SLAMF9: variants seen among roughly 807,000 people sequenced by gnomAD.
SLAMF9 encodes CD2 family member 10.
In SLAMF9, 25 loss-of-function variants were observed where a neutral mutation model predicts 30.4. The observed-to-expected ratio is 0.82, with a 90% CI of 0.60 to 1.15. SLAMF9 has a LOEUF of 1.15. Among genes scored for constraint, SLAMF9 ranks in the 50% most tolerant of loss-of-function variants. The pLI, the probability that SLAMF9 is intolerant of heterozygous loss-of-function variation, is 0.00. For missense variants in SLAMF9, 344 were observed against 346.1 expected, an observed-to-expected ratio of 0.99 and a Z score of 0.05; for synonymous variants, 129 against 127.2, an observed-to-expected ratio of 1.01 and a Z score of -0.09.
Position 159,952,349 on chromosome 1 carries a change from C to T in SLAMF9, c.577G>A (p.Asp193Asn), listed in dbSNP as rs746715684. The T allele has an allele frequency of 3.4e-5, 55 of 1,613,906 alleles. No individual in the cohort carries two copies. Among genetic ancestry groups the T allele is most frequent in the Non-Finnish European group, 4.2e-5 (49 of 1,179,982 alleles). ...CTGCAGGTGTAGGAGAGGGCACTGT[C>T]CCCCGGCCTCCAGGATGTGCTGAGG... ...PVLSTSWRPG[D>N]SALSYTCRAN... Residue 193 changes from aspartate (D) to asparagine (N), a missense_variant, in exon 3 of 4, where the codon GAC becomes AAC. Asp to Asn is a conservative substitution (Grantham distance 23). Coordinates refer to ENST00000368093, the MANE Select transcript of SLAMF9 (RefSeq NM_033438.4).
the SLAMF9 span, among the ~76,000 whole-genome samples, chr1:159,967,349 ACCAGTTTTC>A: frequency 6.6e-6 from 1 of 152,194 alleles, no homozygotes; most frequent in Non-Finnish European, 1.5e-5. Context: ...AATGTGGATA[ACCAGTTTTC>A]CCACACCATT....
At chr1:159,975,082 G>A in the SLAMF9 span, among the ~76,000 whole-genome samples, 2 of 152,134 alleles carry the variant, frequency 1.3e-5, no homozygotes, top group Non-Finnish European at 2.9e-5. Context: ...GGGAGTCTCA[G>A]TACTCATATG....
At chr1:159,975,930 G>C in the SLAMF9 span, among the ~76,000 whole-genome samples, 6,101 of 152,300 alleles carry the variant, frequency 0.04, 209 homozygotes, top group African/African-American at 0.092. Flanking sequence ...TCTTGGCATG[G>C]CCAGGTGGAG....
chr1:159,952,645 T>TAAACAAC (rs1651800885), intron 2 of SLAMF9, 111 bp from the exon 3 acceptor site: 1 of 1,187,866 alleles, frequency 8.4e-7, no homozygotes, highest in Non-Finnish European at 1.2e-6. Flanking sequence ...CCCCTGCACC[T>TAAACAAC]AAACAACAAA....
At position 159,954,142 on chromosome 1, in the gene SLAMF9, G is replaced by A. The variant is rs1651871853; in HGVS notation, c.-5C>T. 2 of 1,614,080 alleles carry A rather than the reference G, an allele frequency of 1.2e-6. No homozygotes were observed. The highest frequency in any genetic ancestry group is 1.7e-6 in the Non-Finnish European group (2 of 1,179,986). ...CAGCCAAGGAAAGGCACACATGTCA[G>A]CAGCCCCCAGCCCCAGAGGTGTGAT... On this transcript the variant is annotated 5_prime_UTR_variant, in exon 1 of 4. Transcript: ENST00000368093.
At chr1:159,958,709 C>T (rs1159577644), upstream of SLAMF9, among the ~76,000 whole-genome samples, 1 of 152,168 alleles carries the variant, frequency 6.6e-6, no homozygotes, top group Non-Finnish European at 1.5e-5. Context: ...AGGGGATCCT[C>T]CTGCCTCAGC....
intron 3 of SLAMF9, 95 bp from the exon 4 acceptor site, chr1:159,951,961 A>G (rs1651760106): frequency 2.8e-6 from 3 of 1,053,610 alleles, no homozygotes. Flanking sequence ...AGGGGTCTCA[A>G]GTTCACAATC....
the SLAMF9 span, among the ~76,000 whole-genome samples, chr1:159,976,009 T>A: frequency 1.3e-5 from 2 of 151,266 alleles, no homozygotes; most frequent in South Asian, 2.1e-4. Flanking sequence ...GACTTGGGAG[T>A]CATTTACATT....
At chr1:159,958,815 A>AT (rs1204372834), upstream of SLAMF9, among the ~76,000 whole-genome samples, 1 of 151,840 alleles carries the variant, frequency 6.6e-6, no homozygotes, top group African/African-American at 2.4e-5. Flanking sequence ...TAGAACTTCA[A>AT]TTTTTTTCTC....
the SLAMF9 span, chr1:159,979,031 G>C: frequency 6.6e-6 from 1 of 152,170 alleles, no homozygotes; most frequent in East Asian, 1.9e-4. Context: ...CACTAAATTA[G>C]CTTTGTATGT....
upstream of SLAMF9, among the ~76,000 whole-genome samples, chr1:159,957,609 C>T (rs987697098): frequency 2.0e-5 from 3 of 151,922 alleles, no homozygotes; most frequent in African/African-American, 7.3e-5. Flanking sequence ...GGCGACAGAG[C>T]GAGACTCCAT....
chr1:159,967,214 A>G, the SLAMF9 span, among the ~76,000 whole-genome samples: 2 of 152,148 alleles, frequency 1.3e-5, no homozygotes, highest in African/African-American at 4.8e-5. Flanking sequence ...ACAGGTATAC[A>G]TGTGCCATGT....
chr1:159,980,143 T>C, the SLAMF9 span, among the ~76,000 whole-genome samples: 22 of 152,104 alleles, frequency 1.4e-4, no homozygotes, highest in East Asian at 4.3e-3. Context: ...CTGTGGAGGG[T>C]TCATCCCTCT....
the SLAMF9 span, among the ~76,000 whole-genome samples, chr1:159,968,385 T>G: frequency 6.6e-6 from 1 of 152,218 alleles, no homozygotes; most frequent in Non-Finnish European, 1.5e-5. Flanking sequence ...CTTAGCACCT[T>G]GAGACTCAGA....
upstream of SLAMF9, among the ~76,000 whole-genome samples, chr1:159,955,404 G>A (rs1014263382): frequency 4.6e-5 from 7 of 152,310 alleles, 1 homozygote; most frequent in Non-Finnish European, 1.5e-5. Context: ...TAATCTTTAA[G>A]TTTCTTCTAA....
At chr1:159,976,589 T>TGAAA in the SLAMF9 span, 2 of 152,236 alleles carry the variant, frequency 1.3e-5, no homozygotes, top group African/African-American at 4.8e-5. Flanking sequence ...CATATATGTT[T>TGAAA]CAATTAAAAA....
the SLAMF9 span, among the ~76,000 whole-genome samples, chr1:159,978,402 C>T: frequency 2.2e-4 from 33 of 152,208 alleles, no homozygotes; most frequent in Admixed American, 9.2e-4. Flanking sequence ...AGGAAGATTT[C>T]CTAATATCTC....
chr1:159,962,140 G>C, the SLAMF9 span, among the ~76,000 whole-genome samples: 1 of 151,204 alleles, frequency 6.6e-6, no homozygotes, highest in East Asian at 1.9e-4. Context: ...CCTGGGGACA[G>C]AGCAAGACTC....
At chr1:159,958,414 T>G (rs1651975460), upstream of SLAMF9, among the ~76,000 whole-genome samples, 1 of 151,974 alleles carries the variant, frequency 6.6e-6, no homozygotes, top group Non-Finnish European at 1.5e-5. Context: ...GTGGAGAAAG[T>G]CACTTCTGAG....
Sources: gnomAD v4.1 joint callset for allele counts (sites outside exome capture counted in the v4.1 genomes callset) on GRCh38, gnomAD v4.1.1 for gene constraint, MANE v1.5 for transcripts, NCBI Gene and HGNC (gene_info 2026-07-23, HGNC 2026-07-21) for gene names.